The following PSD3 variants were observed in gnomAD, a reference collection of about 807,000 sequenced individuals.
The protein encoded by PSD3 is PH and SEC7 domain-containing protein 3.
PSD3 carries 49 observed loss-of-function variants against 105.5 expected under a neutral mutation model. The observed-to-expected ratio is 0.46, with a 90% CI of 0.37 to 0.59. PSD3 has a LOEUF of 0.59. Among genes scored for constraint, PSD3 ranks in the 20% least tolerant of loss-of-function variants. The pLI, the probability that PSD3 is intolerant of heterozygous loss-of-function variation, is 0.00. For synonymous variants in PSD3, 557 were observed against 457.8 expected, an observed-to-expected ratio of 1.22 and a Z score of -2.77; for missense variants, 1,561 against 1,263.8, an observed-to-expected ratio of 1.24 and a Z score of -3.57.
intron 1 of PSD3, among the ~76,000 whole-genome samples, chr8:19,069,776 C>T (rs148368918): frequency 3.0e-4 from 45 of 152,284 alleles, no homozygotes; most frequent in Middle Eastern, 3.4e-3. Flanking sequence ...AAAACCAGAA[C>T]TGACTCTAAA....
chr8:18,790,873 C>T (rs1027687416), intron 8 of PSD3, among the ~76,000 whole-genome samples: 4 of 151,864 alleles, frequency 2.6e-5, no homozygotes, highest in Non-Finnish European at 5.9e-5. Flanking sequence ...GCAACCTTGG[C>T]GAAGTCTCAG....
intron 1 of PSD3, among the ~76,000 whole-genome samples, chr8:19,074,822 G>C (rs1206885764): frequency 6.6e-6 from 1 of 151,164 alleles, no homozygotes; most frequent in Non-Finnish European, 1.5e-5. Flanking sequence ...GGGTTTCACC[G>C]TGTTAGCCAG....
intron 1 of PSD3, among the ~76,000 whole-genome samples, chr8:18,980,359 C>T (rs1363522176): frequency 2.6e-5 from 4 of 152,146 alleles, no homozygotes; most frequent in African/African-American, 9.7e-5. Flanking sequence ...ATGGAGGTAG[C>T]TTATCTTATG....
intron 4 of PSD3, among the ~76,000 whole-genome samples, chr8:18,855,092 A>G (rs2129453325): frequency 6.6e-6 from 1 of 152,290 alleles, no homozygotes; most frequent in South Asian, 2.1e-4. Flanking sequence ...GACCAGCCTC[A>G]CTTCAGTTTC....
At chr8:18,998,051 T>C (rs1465531382) in intron 1 of PSD3, among the ~76,000 whole-genome samples, 2 of 151,924 alleles carry the variant, frequency 1.3e-5, no homozygotes, top group African/African-American at 2.4e-5. Flanking sequence ...CCCTGGAACC[T>C]AAAATAATGC....
intron 9 of PSD3, among the ~76,000 whole-genome samples, chr8:18,702,339 G>A (rs1801632431): frequency 6.6e-6 from 1 of 152,132 alleles, no homozygotes; most frequent in African/African-American, 2.4e-5. Flanking sequence ...CTACTTTATG[G>A]GTTGTTCTAA....
At chr8:18,988,658 T>C (rs144588839) in intron 1 of PSD3, among the ~76,000 whole-genome samples, 292 of 152,284 alleles carry the variant, frequency 1.9e-3, no homozygotes, top group African/African-American at 6.7e-3. Context: ...ACTTAAGCCA[T>C]TGTTCACAAG....
In PSD3 at chr8:18,660,643, G is replaced by T. The variant is rs186929727; in HGVS notation, c.2173-4958C>A. On this transcript the variant is annotated intron_variant, in intron 9 of 15. Coordinates refer to ENST00000327040, the MANE Select transcript of PSD3 (RefSeq NM_015310.4). ...AATTTTTAAAAACACTGATTATTGTGCCCTGTCCTAGATCTACCACATCAG... is the reference window on the plus strand; with the variant it reads ...AATTTTTAAAAACACTGATTATTGTTCCCTGTCCTAGATCTACCACATCAG... 3.3e-5 allele frequency among the ~76,000 whole-genome samples: 5 copies of T among 152,274 alleles called. No individual in the cohort carries two copies. In the East Asian group the frequency reaches 9.7e-4, roughly 29 times the overall value.
chr8:19,035,309 C>T (rs1320804831), intron 1 of PSD3, among the ~76,000 whole-genome samples: 1 of 152,082 alleles, frequency 6.6e-6, no homozygotes, highest in Non-Finnish European at 1.5e-5. Flanking sequence ...TCTCTATTTA[C>T]TGCCATGGCA....
intron 2 of PSD3, among the ~76,000 whole-genome samples, chr8:18,915,938 G>C (rs1285067256): frequency 6.6e-6 from 1 of 151,676 alleles, no homozygotes; most frequent in Non-Finnish European, 1.5e-5. Flanking sequence ...TCTACTAAAA[G>C]TACAAAATTA....
intron 1 of PSD3, among the ~76,000 whole-genome samples, chr8:19,080,466 G>A (rs1259948194): frequency 1.3e-5 from 2 of 152,178 alleles, no homozygotes; most frequent in African/African-American, 4.8e-5. Flanking sequence ...ATTTTAAGGA[G>A]TAACAGTCCA....
intron 2 of PSD3, among the ~76,000 whole-genome samples, chr8:18,925,207 C>T (rs531449881): frequency 6.6e-6 from 1 of 152,238 alleles, no homozygotes; most frequent in East Asian, 1.9e-4. Context: ...GGCAGCACAG[C>T]CAAACCCCAT....
upstream of PSD3, among the ~76,000 whole-genome samples, chr8:19,018,584 ATG>A (rs1435401690): frequency 6.6e-6 from 1 of 152,242 alleles, no homozygotes; most frequent in Non-Finnish European, 1.5e-5. Context: ...AGATATGTAG[ATG>A]TGTGTGTACA....
intron 4 of PSD3, among the ~76,000 whole-genome samples, chr8:18,806,569 C>T (rs1001160677): frequency 1.6e-4 from 24 of 152,334 alleles, no homozygotes; most frequent in African/African-American, 5.5e-4. Context: ...AAACCAAGGG[C>T]GGTCAGAATT....
intron 8 of PSD3, among the ~76,000 whole-genome samples, chr8:18,792,897 T>C (rs1419113237): frequency 1.3e-5 from 2 of 152,170 alleles, no homozygotes; most frequent in Non-Finnish European, 2.9e-5. Flanking sequence ...TGCGGCACTA[T>C]TCACAATAGC....
At chr8:18,852,713 T>C (rs547191082) in intron 4 of PSD3, among the ~76,000 whole-genome samples, 12 of 152,328 alleles carry the variant, frequency 7.9e-5, no homozygotes, top group African/African-American at 2.9e-4. Context: ...AAGGAAGCCC[T>C]GATGTGTTTA....
chr8:18,661,637 A>C (rs1044678009), intron 9 of PSD3, among the ~76,000 whole-genome samples: 2 of 152,178 alleles, frequency 1.3e-5, no homozygotes, highest in African/African-American at 4.8e-5. Flanking sequence ...CCTCCGCACC[A>C]GTGGAGGTCC....
intron 4 of PSD3, among the ~76,000 whole-genome samples, chr8:18,857,712 A>G (rs2129454242): frequency 6.6e-6 from 1 of 152,310 alleles, no homozygotes; most frequent in Non-Finnish European, 1.5e-5. Context: ...GGTAAAATGC[A>G]GATTCTAATG....
intron 1 of PSD3, among the ~76,000 whole-genome samples, chr8:19,039,951 G>A (rs1828066629): frequency 6.6e-6 from 1 of 152,138 alleles, no homozygotes; most frequent in Non-Finnish European, 1.5e-5. Context: ...AAATGAAGCA[G>A]GTTAAGGGTT....
Sources: gnomAD v4.1 joint callset for allele counts (sites outside exome capture counted in the v4.1 genomes callset) on GRCh38, gnomAD v4.1.1 for gene constraint, MANE v1.5 for transcripts, NCBI Gene and HGNC (gene_info 2026-07-23, HGNC 2026-07-21) for gene names.